MGMT: variants seen among roughly 807,000 people sequenced by gnomAD.
The protein encoded by MGMT is O-6-methylguanine-DNA methyltransferase.
Under a neutral mutation model 15.9 loss-of-function variants are expected in MGMT, and 14 were observed. That is an observed-to-expected ratio of 0.88 (90% CI 0.58 to 1.37). The LOEUF (loss-of-function observed/expected upper bound fraction) is 1.37, where lower values mean the gene tolerates loss of function less well. MGMT is among the 40% of genes most tolerant of loss of function. MGMT has a pLI of 0.00. For missense variants in MGMT, 282 were observed against 268.1 expected (o/e 1.05, Z -0.36); for synonymous variants, 130 against 118.2 (o/e 1.10, Z -0.65).
intron 3 of MGMT, among the ~76,000 whole-genome samples, chr10:129,722,173 A>G (rs1279665190): frequency 6.6e-6 from 1 of 152,200 alleles, no homozygotes; most frequent in Non-Finnish European, 1.5e-5. Context: ...GTTGAAAATA[A>G]CTATTAAAAC....
chr10:129,569,672 G>T (rs1846395204), intron 2 of MGMT, among the ~76,000 whole-genome samples: 1 of 152,150 alleles, frequency 6.6e-6, no homozygotes, highest in Non-Finnish European at 1.5e-5. Flanking sequence ...GTAGACTCAT[G>T]AAAGAAACAC....
At chr10:129,504,056 GAA>G (rs1352409834) in intron 1 of MGMT, among the ~76,000 whole-genome samples, 3 of 152,162 alleles carry the variant, frequency 2.0e-5, no homozygotes, top group Admixed American at 6.5e-5. Flanking sequence ...TTACATTCCT[GAA>G]ATGAAATTCC....
chr10:129,534,582 C>T (rs529833870), intron 1 of MGMT, among the ~76,000 whole-genome samples: 1 of 152,042 alleles, frequency 6.6e-6, no homozygotes, highest in African/African-American at 2.4e-5. Flanking sequence ...TCTCTCTCCT[C>T]GTTCTTGGAA....
intron 2 of MGMT, among the ~76,000 whole-genome samples, chr10:129,561,279 C>T (rs7080548): frequency 0.046 from 6,981 of 152,132 alleles, 545 homozygotes; most frequent in African/African-American, 0.16. Context: ...CCTTGGGATT[C>T]GCTCTGTGGG....
intron 2 of MGMT, among the ~76,000 whole-genome samples, chr10:129,656,964 G>A (rs545535113): frequency 9.2e-5 from 14 of 152,150 alleles, no homozygotes; most frequent in African/African-American, 2.6e-4. Context: ...GAACTTCCAC[G>A]CAGAAGGCAG....
At chr10:129,653,320 G>T (rs1264969791) in intron 2 of MGMT, among the ~76,000 whole-genome samples, 1 of 152,168 alleles carries the variant, frequency 6.6e-6, no homozygotes, top group African/African-American at 2.4e-5. Context: ...CTGTCCTTTT[G>T]TATTTGAAAA....
At chr10:129,475,642 C>T (rs1192277433) in intron 1 of MGMT, among the ~76,000 whole-genome samples, 5 of 152,098 alleles carry the variant, frequency 3.3e-5, no homozygotes, top group African/African-American at 1.2e-4. Context: ...GTGCGGGGTG[C>T]GGGCCGATCA....
At chr10:129,490,637 T>A (rs930854164) in intron 1 of MGMT, among the ~76,000 whole-genome samples, 1 of 152,190 alleles carries the variant, frequency 6.6e-6, no homozygotes, top group Non-Finnish European at 1.5e-5. Flanking sequence ...TAATATAGTT[T>A]TAAAAATATC....
intron 2 of MGMT, among the ~76,000 whole-genome samples, chr10:129,661,034 T>C (rs1847591407): frequency 6.6e-6 from 1 of 152,198 alleles, no homozygotes; most frequent in South Asian, 2.1e-4. Context: ...CTGTTTCTGT[T>C]GTAAATATAC....
chr10:129,513,293 A>G (rs1261018752), intron 1 of MGMT, among the ~76,000 whole-genome samples: 1 of 152,184 alleles, frequency 6.6e-6, no homozygotes, highest in Non-Finnish European at 1.5e-5. Flanking sequence ...TAATGAGAAA[A>G]TTTTGGCTAT....
At chr10:129,671,450 A>G (rs1233740560) in intron 2 of MGMT, among the ~76,000 whole-genome samples, 1 of 152,002 alleles carries the variant, frequency 6.6e-6, no homozygotes, top group African/African-American at 2.4e-5. Flanking sequence ...TTGGTAAATA[A>G]GTATTTGTCA....
At chr10:129,593,640 GACA>G (rs1462409890) in intron 2 of MGMT, among the ~76,000 whole-genome samples, 4 of 152,230 alleles carry the variant, frequency 2.6e-5, no homozygotes, top group Non-Finnish European at 5.9e-5. Flanking sequence ...GTTCAGAGGT[GACA>G]ACAACAATGG....
At chr10:129,710,765 A>G (rs1848224033) in intron 3 of MGMT, among the ~76,000 whole-genome samples, 1 of 152,220 alleles carries the variant, frequency 6.6e-6, no homozygotes, top group Admixed American at 6.5e-5. Context: ...GACATCTCAG[A>G]GCCGCCTGGA....
chr10:129,645,674 G>A (rs1020452026), intron 2 of MGMT, among the ~76,000 whole-genome samples: 4 of 152,216 alleles, frequency 2.6e-5, no homozygotes, highest in Admixed American at 6.5e-5. Flanking sequence ...TCTCCAATCC[G>A]GACTCAGCAT....
At chr10:129,676,678 A>G (rs779037132) in intron 2 of MGMT, among the ~76,000 whole-genome samples, 1 of 152,234 alleles carries the variant, frequency 6.6e-6, no homozygotes, top group Non-Finnish European at 1.5e-5. Context: ...AAATAAAAGA[A>G]ACCATTAAGA....
At chr10:129,761,977 A>T (rs1278870063) in intron 4 of MGMT, among the ~76,000 whole-genome samples, 1 of 152,242 alleles carries the variant, frequency 6.6e-6, no homozygotes, top group Non-Finnish European at 1.5e-5. Flanking sequence ...ACTATGGTTC[A>T]GGTTGACAGC....
chr10:129,563,813 A>G (rs1846307854), intron 2 of MGMT: 1 of 152,246 alleles, frequency 6.6e-6, no homozygotes, highest in South Asian at 2.1e-4. Flanking sequence ...CGGTGTGATC[A>G]TTAGGAGGAT....
At chr10:129,689,766 G>A (rs1336106434) in intron 2 of MGMT, among the ~76,000 whole-genome samples, 2 of 152,184 alleles carry the variant, frequency 1.3e-5, no homozygotes, top group Admixed American at 1.3e-4. Context: ...GACTAGACTT[G>A]ACAAGTTTGC....
At chr10:129,702,767 C>T (rs1848114384) in intron 2 of MGMT, among the ~76,000 whole-genome samples, 3 of 152,172 alleles carry the variant, frequency 2.0e-5, no homozygotes, top group Admixed American at 6.5e-5. Context: ...ACCACAGGGC[C>T]GGCATTTCAG....
Sources: allele counts gnomAD v4.1 joint callset (sites outside exome capture counted in the v4.1 genomes callset), GRCh38; gene constraint gnomAD v4.1.1; transcripts MANE v1.5; gene names NCBI Gene and HGNC (gene_info 2026-07-23, HGNC 2026-07-21).